Variants in GRID1 observed in about 807,000 individuals in gnomAD.
GRID1 encodes glutamate receptor ionotropic, delta-1.
GRID1 carries 28 observed loss-of-function variants against 98.0 expected under a neutral mutation model. That is an observed-to-expected ratio of 0.29 (90% CI 0.21 to 0.39). The LOEUF is 0.39. Among genes scored for constraint, GRID1 ranks in the 10% least tolerant of loss-of-function variants. The probability of loss-of-function intolerance (pLI) is 1.00; values close to 1 mark genes in which losing one functional copy is unlikely to be tolerated. For synonymous variants in GRID1, 553 were observed against 538.5 expected (o/e 1.03, Z -0.37); for missense variants, 1,111 against 1,340.5 (o/e 0.83, Z 2.67).
rs73332694 is a variant in GRID1, at chr10:85,840,187, G to A, written c.1233+14309C>T. ...TCTACCTGAGGTACTAAGAAGAGCT[G>A]GTACTATTCCTACTGAAACTGTTCT... On this transcript the variant is annotated intron_variant, in intron 8 of 15. Coordinates refer to ENST00000327946, the MANE Select transcript of GRID1 (RefSeq NM_017551.3). Among the ~76,000 whole-genome samples the A allele has an allele frequency of 5.7e-3, 870 of 152,198 alleles. 8 individuals are homozygous for A. The highest frequency in any genetic ancestry group is 0.02 in the African/African-American group (819 of 41,558).
chr10:85,865,171 C>A (rs550341143), intron 6 of GRID1, among the ~76,000 whole-genome samples: 1 of 152,038 alleles, frequency 6.6e-6, no homozygotes, highest in Non-Finnish European at 1.5e-5. Context: ...AAACAAGAAT[C>A]AAAAACACAC....
chr10:85,614,965 G>A (rs1008584793), intron 14 of GRID1, among the ~76,000 whole-genome samples: 5 of 152,156 alleles, frequency 3.3e-5, no homozygotes, highest in East Asian at 3.9e-4. Flanking sequence ...TGATATTTTC[G>A]ACTGATATCA....
At chr10:86,255,446 C>T (rs76224455) in intron 2 of GRID1, among the ~76,000 whole-genome samples, 413 of 152,314 alleles carry the variant, frequency 2.7e-3, no homozygotes, top group Non-Finnish European at 4.7e-3. Flanking sequence ...TGTCCCCTGA[C>T]ACTCATATAC....
intron 4 of GRID1, among the ~76,000 whole-genome samples, chr10:86,080,789 G>C (rs1220309738): frequency 6.6e-6 from 1 of 152,128 alleles, no homozygotes; most frequent in Non-Finnish European, 1.5e-5. Context: ...CAGACGACTG[G>C]AGCTTCCTCT....
intron 2 of GRID1, among the ~76,000 whole-genome samples, chr10:86,282,483 C>T (rs938473225): frequency 1.3e-5 from 2 of 152,174 alleles, no homozygotes; most frequent in Non-Finnish European, 2.9e-5. Flanking sequence ...CGTGGTCCAT[C>T]TCAGGGAACA....
chr10:85,656,497 C>T (rs1840896604), intron 12 of GRID1, among the ~76,000 whole-genome samples: 1 of 152,170 alleles, frequency 6.6e-6, no homozygotes, highest in African/African-American at 2.4e-5. Context: ...ACCTCATCCA[C>T]TCCTGGCAAT....
intron 8 of GRID1, among the ~76,000 whole-genome samples, chr10:85,846,488 C>T (rs1843008440): frequency 6.6e-6 from 1 of 152,158 alleles, no homozygotes; most frequent in Admixed American, 6.5e-5. Flanking sequence ...TGTGCCACTG[C>T]ACTCCAGCCT....
intron 2 of GRID1, among the ~76,000 whole-genome samples, chr10:86,243,532 T>G (rs1489635313): frequency 6.6e-6 from 1 of 152,150 alleles, no homozygotes; most frequent in Admixed American, 6.5e-5. Flanking sequence ...ATGAGGAAAC[T>G]GAGGCTCAGA....
chr10:86,327,526 T>C (rs908256942), intron 2 of GRID1, among the ~76,000 whole-genome samples: 6 of 152,248 alleles, frequency 3.9e-5, no homozygotes, highest in African/African-American at 1.4e-4. Context: ...TCGGAAGTTT[T>C]ATCACTGAGC....
chr10:86,359,820 T>G (rs1206922989), intron 2 of GRID1, among the ~76,000 whole-genome samples: 2 of 152,246 alleles, frequency 1.3e-5, no homozygotes, highest in East Asian at 3.8e-4. Flanking sequence ...ATTTTTTTAT[T>G]TAACAAATTA....
At chr10:85,998,893 A>C (rs1462574301) in intron 4 of GRID1, among the ~76,000 whole-genome samples, 1 of 152,248 alleles carries the variant, frequency 6.6e-6, no homozygotes, top group African/African-American at 2.4e-5. Flanking sequence ...AGCAGCTTAG[A>C]TGACATAGAA....
chr10:85,731,555 T>C (rs1590208793), intron 8 of GRID1, among the ~76,000 whole-genome samples: 2 of 151,436 alleles, frequency 1.3e-5, no homozygotes, highest in East Asian at 1.9e-4. Flanking sequence ...AATCCCAGCA[T>C]TTCGGGAGGC....
intron 8 of GRID1, among the ~76,000 whole-genome samples, chr10:85,824,761 C>CACAT (rs1037863800): frequency 1.3e-5 from 2 of 152,134 alleles, no homozygotes; most frequent in African/African-American, 4.8e-5. Flanking sequence ...CCTTTGCATA[C>CACAT]ACATAGTTTA....
chr10:85,956,730 G>C (rs2131846607), intron 4 of GRID1, among the ~76,000 whole-genome samples: 1 of 152,308 alleles, frequency 6.6e-6, no homozygotes, highest in Middle Eastern at 3.4e-3. Flanking sequence ...TAGGAGTGCA[G>C]AACAGAGTAG....
intron 4 of GRID1, among the ~76,000 whole-genome samples, chr10:86,011,145 C>G (rs1842919965): frequency 6.6e-6 from 1 of 152,094 alleles, no homozygotes; most frequent in African/African-American, 2.4e-5. Context: ...GGAGAGAAAT[C>G]TGGGGCTGAT....
At chr10:86,241,221 A>G (rs926191287) in intron 2 of GRID1, among the ~76,000 whole-genome samples, 14 of 152,164 alleles carry the variant, frequency 9.2e-5, no homozygotes, top group African/African-American at 2.9e-4. Context: ...TCAGTCCACC[A>G]TGCCCTGGCC....
intron 2 of GRID1, among the ~76,000 whole-genome samples, chr10:86,225,632 C>T (rs544054961): frequency 6.6e-6 from 1 of 152,036 alleles, no homozygotes; most frequent in Non-Finnish European, 1.5e-5. Context: ...GACACCCTGC[C>T]CTGGAGGGGG....
At chr10:85,789,847 C>G (rs1255275384) in intron 8 of GRID1, among the ~76,000 whole-genome samples, 1 of 152,100 alleles carries the variant, frequency 6.6e-6, no homozygotes, top group African/African-American at 2.4e-5. Context: ...ACCTACAGTC[C>G]AAACACAAGT....
intron 2 of GRID1, among the ~76,000 whole-genome samples, chr10:86,273,490 T>C (rs1316141356): frequency 6.6e-6 from 1 of 151,142 alleles, no homozygotes; most frequent in Non-Finnish European, 1.5e-5. Flanking sequence ...ATCTCCACAC[T>C]GACTTCCACA....
Sources: gnomAD v4.1 joint callset for allele counts (sites outside exome capture counted in the v4.1 genomes callset) on GRCh38, gnomAD v4.1.1 for gene constraint, MANE v1.5 for transcripts, NCBI Gene and HGNC (gene_info 2026-07-23, HGNC 2026-07-21) for gene names.